Variants in PLCZ1 observed in about 807,000 individuals in gnomAD.
The protein encoded by PLCZ1 is phospholipase C zeta 1.
A neutral mutation model predicts 76.8 loss-of-function variants in PLCZ1; 64 were observed. The observed-to-expected ratio is 0.83, with a 90% CI of 0.68 to 1.03. The LOEUF (loss-of-function observed/expected upper bound fraction) is 1.03. Ranked by LOEUF, PLCZ1 falls within the 50% of genes least tolerant of loss-of-function variation. PLCZ1 has a pLI of 0.00. For missense variants in PLCZ1, 751 were observed against 713.7 expected (o/e 1.05, Z -0.60); for synonymous variants, 248 against 230.8 (o/e 1.07, Z -0.68).
chr12:18,711,817 A>T (rs1957383303), intron 6 of PLCZ1, among the ~76,000 whole-genome samples: 1 of 152,020 alleles, frequency 6.6e-6, no homozygotes, highest in Non-Finnish European at 1.5e-5. Context: ...AGTTCAAGAA[A>T]GAGACTGGAG....
downstream of PLCZ1, among the ~76,000 whole-genome samples, chr12:18,680,649 T>C (rs1469814257): frequency 6.6e-6 from 1 of 152,004 alleles, no homozygotes; most frequent in Non-Finnish European, 1.5e-5. Flanking sequence ...AAGTACAAGA[T>C]AATGGAAGAA....
At chr12:18,657,194 G>A in the PLCZ1 span, among the ~76,000 whole-genome samples, 1 of 152,104 alleles carries the variant, frequency 6.6e-6, no homozygotes, top group African/African-American at 2.4e-5. Flanking sequence ...CTGCTGCTGG[G>A]GACAAGGAAT....
chr12:18,656,189 G>A, the PLCZ1 span, among the ~76,000 whole-genome samples: 1 of 152,082 alleles, frequency 6.6e-6, no homozygotes, highest in Non-Finnish European at 1.5e-5. Context: ...AGCACTTTGT[G>A]AAGTTGAGAC....
chr12:18,681,540 T>C (rs1250848709), downstream of PLCZ1, among the ~76,000 whole-genome samples: 1 of 152,080 alleles, frequency 6.6e-6, no homozygotes, highest in Non-Finnish European at 1.5e-5. Flanking sequence ...TAATAGTTCT[T>C]GTGAGAAAAT....
the PLCZ1 span, among the ~76,000 whole-genome samples, chr12:18,648,674 G>T: frequency 6.6e-6 from 1 of 151,888 alleles, no homozygotes; most frequent in Admixed American, 6.6e-5. Flanking sequence ...TTTAAACTTG[G>T]TTATGCCTGG....
intron 6 of PLCZ1, 91 bp from the exon 7 acceptor site, chr12:18,705,406 T>G: frequency 6.7e-7 from 1 of 1,494,708 alleles, no homozygotes; most frequent in Non-Finnish European, 9.3e-7. Context: ...TTTTAAAACT[T>G]ACTTCTAACG....
At chr12:18,659,337 C>T in the PLCZ1 span, among the ~76,000 whole-genome samples, 1 of 152,058 alleles carries the variant, frequency 6.6e-6, no homozygotes, top group South Asian at 2.1e-4. Context: ...AAATAAGCTG[C>T]CCACAGCCAT....
At chr12:18,674,647 C>G in the PLCZ1 span, among the ~76,000 whole-genome samples, 1 of 152,242 alleles carries the variant, frequency 6.6e-6, no homozygotes, top group Admixed American at 6.6e-5. Flanking sequence ...GAAACATGGT[C>G]ACAAATTTTT....
chr12:18,656,629 G>A, the PLCZ1 span, among the ~76,000 whole-genome samples: 3 of 152,022 alleles, frequency 2.0e-5, no homozygotes, highest in Non-Finnish European at 4.4e-5. Flanking sequence ...CCAGCTACTT[G>A]GGAAGCTCAG....
intron 3 of PLCZ1, among the ~76,000 whole-genome samples, chr12:18,732,737 T>C (rs1173433905): frequency 1.3e-5 from 2 of 152,228 alleles, no homozygotes; most frequent in Non-Finnish European, 2.9e-5. Context: ...CTTCTGTGTC[T>C]GGCTTATTTC....
At chr12:18,669,802 C>T in the PLCZ1 span, among the ~76,000 whole-genome samples, 2,675 of 152,114 alleles carry the variant, frequency 0.018, 41 homozygotes, top group Middle Eastern at 0.054. Context: ...GGATTACAGG[C>T]GTGTGCCACC....
the PLCZ1 span, among the ~76,000 whole-genome samples, chr12:18,675,913 C>A: frequency 3.9e-4 from 59 of 151,592 alleles, no homozygotes; most frequent in African/African-American, 1.4e-3. Flanking sequence ...TTTTTGGGTA[C>A]AATGTTAACT....
intron 13 of PLCZ1, among the ~76,000 whole-genome samples, chr12:18,685,861 CACACACACAT>C (rs1486429023): frequency 4.1e-5 from 6 of 145,848 alleles, no homozygotes; most frequent in Non-Finnish European, 9.1e-5. Context: ...CACACACACA[CACACACACAT>C]ACAATAATAT....
the PLCZ1 span, among the ~76,000 whole-genome samples, chr12:18,672,598 C>A: frequency 2.0e-5 from 3 of 152,140 alleles, no homozygotes; most frequent in Admixed American, 6.5e-5. Flanking sequence ...ATGAGAAAAT[C>A]AGAACATGTA....
intron 3 of PLCZ1, among the ~76,000 whole-genome samples, chr12:18,728,695 G>A (rs1405578782): frequency 6.6e-6 from 1 of 152,116 alleles, no homozygotes; most frequent in Non-Finnish European, 1.5e-5. Context: ...AGTGGATTTA[G>A]CATTTATGAC....
At chr12:18,658,580 A>C in the PLCZ1 span, among the ~76,000 whole-genome samples, 22 of 152,290 alleles carry the variant, frequency 1.4e-4, no homozygotes, top group African/African-American at 4.8e-4. Context: ...ATTTGATAAA[A>C]ACTATTTTTG....
chr12:18,724,081 C>T (rs772633029), intron 3 of PLCZ1, among the ~76,000 whole-genome samples: 5 of 151,914 alleles, frequency 3.3e-5, no homozygotes, highest in African/African-American at 4.8e-5. Flanking sequence ...TTGAACTTTA[C>T]GAGAAAAGGC....
chr12:18,729,712 T>C (rs1263078915), intron 3 of PLCZ1, among the ~76,000 whole-genome samples: 1 of 152,092 alleles, frequency 6.6e-6, no homozygotes, highest in Admixed American at 6.5e-5. Context: ...TATTGCATGA[T>C]AAAAGCAATA....
chr12:18,728,496 T>C (rs1480132582), intron 3 of PLCZ1, among the ~76,000 whole-genome samples: 1 of 152,206 alleles, frequency 6.6e-6, no homozygotes, highest in East Asian at 1.9e-4. Flanking sequence ...AGGAAAAGTT[T>C]GTAATGTAAA....
Sources: allele counts gnomAD v4.1 joint callset (sites outside exome capture counted in the v4.1 genomes callset), GRCh38; gene constraint gnomAD v4.1.1; transcripts MANE v1.5; gene names NCBI Gene and HGNC (gene_info 2026-07-23, HGNC 2026-07-21).